The following COP1 variants were observed in gnomAD, a reference collection of about 807,000 sequenced individuals.
COP1 encodes COP1 E3 ubiquitin ligase, also known as E3 ubiquitin-protein ligase COP1.
COP1 carries 24 observed loss-of-function variants against 101.3 expected under a neutral mutation model. The observed-to-expected ratio is 0.24, with a 90% CI of 0.17 to 0.33. The LOEUF is 0.33. Among genes scored for constraint, COP1 ranks in the 10% least tolerant of loss-of-function variants. COP1 has a pLI of 1.00. For synonymous variants in COP1, 347 were observed against 341.9 expected (o/e 1.01, Z -0.17); for missense variants, 663 against 906.2 (o/e 0.73, Z 3.45).
chr1:175,955,139 C>G (rs777857553), intron 18 of COP1, among the ~76,000 whole-genome samples: 2 of 151,882 alleles, frequency 1.3e-5, no homozygotes, highest in Non-Finnish European at 2.9e-5. Context: ...CCCAGCTACC[C>G]AGAAGGTTGA....
chr1:176,161,136 G>A (rs999450682), intron 5 of COP1, among the ~76,000 whole-genome samples: 5 of 152,058 alleles, frequency 3.3e-5, no homozygotes, highest in African/African-American at 1.2e-4. Context: ...CTACTTATCT[G>A]TTACCTTTTG....
At chr1:176,139,288 CAAAA>C (rs563184945) in intron 6 of COP1, among the ~76,000 whole-genome samples, 1 of 108,384 alleles carries the variant, frequency 9.2e-6, no homozygotes, top group Non-Finnish European at 2.1e-5. Context: ...ACAAAAAAAA[CAAAA>C]AAAAAAAACA....
At chr1:176,096,481 C>T (rs1237642404) in intron 9 of COP1, among the ~76,000 whole-genome samples, 1 of 152,220 alleles carries the variant, frequency 6.6e-6, no homozygotes, top group Non-Finnish European at 1.5e-5. Flanking sequence ...GCCACAGCCA[C>T]TGTCCAGGCC....
chr1:176,199,484 C>G (rs1318749086), intron 1 of COP1, among the ~76,000 whole-genome samples: 1 of 152,012 alleles, frequency 6.6e-6, no homozygotes, highest in Non-Finnish European at 1.5e-5. Context: ...TGAATGCTTA[C>G]AGAATTTTCT....
chr1:176,144,064 G>A (rs887340718), intron 6 of COP1, among the ~76,000 whole-genome samples: 40 of 152,058 alleles, frequency 2.6e-4, no homozygotes, highest in African/African-American at 9.7e-4. Flanking sequence ...AGGATGCCCC[G>A]CTATCACCAC....
rs781236782 is a variant in COP1, at chr1:175,989,415, G to A, written c.1794C>T (p.His598=). Residue 598 remains histidine (H), a synonymous_variant, in exon 16 of 20, where the codon CAC becomes CAT. Transcript: ENST00000367669. The part of the protein sequence containing the change: ...TKQPIMVFKG[H]RKAVSYAKFV... The stretch of plus-strand genomic sequence containing the variant: ...ACTTTGCATAAGAGACTGCTTTACG[G>A]TGTCCTTTGAATACCATGATTGGCT... The A allele has an allele frequency of 1.4e-5, 22 of 1,610,366 alleles. No homozygotes were observed. The highest frequency in any genetic ancestry group is 1.8e-5 in the Non-Finnish European group (21 of 1,176,750).
chr1:176,156,876 C>A (rs1172668464), intron 5 of COP1, among the ~76,000 whole-genome samples: 4 of 152,090 alleles, frequency 2.6e-5, no homozygotes, highest in African/African-American at 9.7e-5. Flanking sequence ...TCGTCAGCAA[C>A]TGACAGCAAG....
At chr1:175,964,050 T>C (rs1651706101) in intron 18 of COP1, among the ~76,000 whole-genome samples, 1 of 152,220 alleles carries the variant, frequency 6.6e-6, no homozygotes, top group Non-Finnish European at 1.5e-5. Context: ...CTTAGTACTT[T>C]CCATGTATTT....
chr1:176,104,676 T>C (rs947160141), intron 9 of COP1, among the ~76,000 whole-genome samples: 1 of 152,128 alleles, frequency 6.6e-6, no homozygotes, highest in Admixed American at 6.5e-5. Context: ...AGAGGTGCTG[T>C]GGGGAAAACA....
chr1:176,069,560 T>A (rs1676607388), intron 11 of COP1, among the ~76,000 whole-genome samples: 1 of 152,240 alleles, frequency 6.6e-6, no homozygotes. Context: ...AACTATCCAG[T>A]GCTAGAAGTA....
In COP1 at chr1:175,982,023, A is replaced by T. The variant is rs373672925; in HGVS notation, c.2133+4920T>A. 5.3e-5 allele frequency among the ~76,000 whole-genome samples: 8 copies of T among 152,258 alleles called. No individual in the cohort carries two copies. The East Asian group carries it at 1.5e-3, about 29-fold the overall frequency. On this transcript the variant is annotated intron_variant, in intron 18 of 19. Transcript: ENST00000367669. Reference sequence around the variant, plus strand: ...GGTGTGTTAAAAAAAGATGAAAGATAACAAGCGTTGGCAAGAATGTGGAGA... The same window carrying T: ...GGTGTGTTAAAAAAAGATGAAAGATTACAAGCGTTGGCAAGAATGTGGAGA...
Position 176,081,287 on chromosome 1 carries a change from T to C in COP1, c.1142A>G (p.Asp381Gly), listed in dbSNP as rs766152166. The C allele has an allele frequency of 3.2e-6, 5 of 1,554,974 alleles. No individual in the cohort carries two copies. Among genetic ancestry groups the C allele is most frequent in the Non-Finnish European group, 4.3e-6 (5 of 1,156,370 alleles). ...CAACTGGCTTGCAGTTCGACTGTCA[T>C]CTATATGAAAAAAAAAAAAAAAAGA... Reference protein sequence around the residue: ...YFSTRMSRISDDSRTASQLDE... With the variant: ...YFSTRMSRISGDSRTASQLDE... The change falls in exon 11 of 20, where the codon GAT becomes GGT. Residue 381 changes from aspartate (D) to glycine (G), a missense_variant and splice_region_variant. By Grantham distance (94) the Asp-to-Gly change is moderately conservative. Coordinates refer to ENST00000367669, the MANE Select transcript of COP1 (RefSeq NM_022457.7).
chr1:176,021,561 TA>T (rs1206286637), intron 15 of COP1, among the ~76,000 whole-genome samples: 2 of 152,174 alleles, frequency 1.3e-5, no homozygotes, highest in Admixed American at 6.6e-5. Context: ...TTTTAATCAT[TA>T]AAAATACATT....
At chr1:176,032,895 A>G (rs1668864434) in intron 14 of COP1, among the ~76,000 whole-genome samples, 1 of 152,154 alleles carries the variant, frequency 6.6e-6, no homozygotes, top group Non-Finnish European at 1.5e-5. Context: ...ATTTAAATTC[A>G]GGAGAGAATA....
chr1:175,945,352 T>C (rs969674736), intron 19 of COP1, among the ~76,000 whole-genome samples, 182 bp from the exon 20 acceptor site: 1 of 152,276 alleles, frequency 6.6e-6, no homozygotes, highest in African/African-American at 2.4e-5. Flanking sequence ...GCTTAACAGC[T>C]GCATGAACTC....
At position 176,168,680 on chromosome 1, in the gene COP1, A is replaced by G. The variant is rs188566702; in HGVS notation, c.566-4789T>C. ...CAGCCCTTACCTGAATCAGCCTTTC[A>G]GGATCAGGAGAGGGAAAGAGAGCAT... On this transcript the variant is annotated intron_variant, in intron 3 of 19. Coordinates refer to ENST00000367669, the MANE Select transcript of COP1 (RefSeq NM_022457.7). 1.1e-3 allele frequency: 331 copies of G among 300,006 alleles called. 4 individuals carry two copies. Among genetic ancestry groups the G allele is most frequent in the African/African-American group, 6.8e-3 (303 of 44,442 alleles). 18.6% of individuals were successfully genotyped at this position (300,006 alleles called of 1,614,324 possible).
At chr1:176,022,007 C>G (rs1216989583) in intron 15 of COP1, among the ~76,000 whole-genome samples, 1 of 152,038 alleles carries the variant, frequency 6.6e-6, no homozygotes, top group Non-Finnish European at 1.5e-5. Flanking sequence ...ATAAAATCTC[C>G]TAAGATACTG....
intron 6 of COP1, among the ~76,000 whole-genome samples, chr1:176,145,818 AAGGC>A (rs1691507387): frequency 6.6e-6 from 1 of 152,288 alleles, no homozygotes; most frequent in South Asian, 2.1e-4. Flanking sequence ...ACATTAAAGA[AAGGC>A]AAGAAAGTGA....
At chr1:175,949,742 A>G (rs537286486) in intron 18 of COP1, among the ~76,000 whole-genome samples, 1 of 152,302 alleles carries the variant, frequency 6.6e-6, no homozygotes, top group African/African-American at 2.4e-5. Flanking sequence ...ATGACAGGAC[A>G]ATGAAAAATT....
Sources: allele counts gnomAD v4.1 joint callset (sites outside exome capture counted in the v4.1 genomes callset), GRCh38; gene constraint gnomAD v4.1.1; transcripts MANE v1.5; gene names NCBI Gene and HGNC (gene_info 2026-07-23, HGNC 2026-07-21).